FRS2: variants seen among roughly 807,000 people sequenced by gnomAD.
FRS2 encodes the protein FGFR signalling adaptor.
In FRS2, 8 loss-of-function variants were observed where a neutral mutation model predicts 43.9. The observed-to-expected ratio is 0.18, with a 90% CI of 0.11 to 0.33. The LOEUF (loss-of-function observed/expected upper bound fraction) is 0.33, where lower values mean the gene tolerates loss of function less well. Among genes scored for constraint, FRS2 ranks in the 10% least tolerant of loss-of-function variants. FRS2 has a pLI of 1.00. For synonymous variants in FRS2, 219 were observed against 220.3 expected (o/e 0.99, Z 0.05); for missense variants, 534 against 627.6 (o/e 0.85, Z 1.59).
At chr12:69,503,875 C>G (rs1415490150) in intron 1 of FRS2, among the ~76,000 whole-genome samples, 2 of 151,890 alleles carry the variant, frequency 1.3e-5, no homozygotes, top group Non-Finnish European at 2.9e-5. Flanking sequence ...TTTTTAAATC[C>G]CAAATGAAAA....
intron 1 of FRS2, among the ~76,000 whole-genome samples, chr12:69,514,927 G>A (rs966207980): frequency 2.6e-5 from 4 of 152,086 alleles, no homozygotes; most frequent in African/African-American, 9.7e-5. Flanking sequence ...AGTTCAAGCA[G>A]ACAAAAAGAA....
At chr12:69,494,012 T>C (rs569781508) in intron 1 of FRS2, among the ~76,000 whole-genome samples, 4 of 152,354 alleles carry the variant, frequency 2.6e-5, no homozygotes, top group Non-Finnish European at 4.4e-5. Flanking sequence ...GTTAAATCTA[T>C]CTGTATGTTT....
chr12:69,545,986 C>T (rs1195852247), intron 3 of FRS2, among the ~76,000 whole-genome samples: 1 of 152,034 alleles, frequency 6.6e-6, no homozygotes, highest in Non-Finnish European at 1.5e-5. Context: ...GTATACAACT[C>T]TTGTAAGGAA....
At chr12:69,531,309 A>G (rs1335096930) in intron 2 of FRS2, among the ~76,000 whole-genome samples, 4 of 151,504 alleles carry the variant, frequency 2.6e-5, no homozygotes, top group Non-Finnish European at 5.9e-5. Flanking sequence ...CAGCCTGGGC[A>G]ACAGAGTGAG....
chr12:69,473,627 A>T (rs1039786607), intron 1 of FRS2, among the ~76,000 whole-genome samples: 3 of 152,196 alleles, frequency 2.0e-5, no homozygotes, highest in Non-Finnish European at 4.4e-5. Flanking sequence ...GGGGAAAAAA[A>T]GTTCGACGTT....
intron 3 of FRS2, among the ~76,000 whole-genome samples, chr12:69,557,596 GT>G (rs1879471825): frequency 3.8e-5 from 1 of 26,244 alleles, no homozygotes; most frequent in Non-Finnish European, 9.7e-5. Context: ...AAGGTTGATT[GT>G]GTGTGTGTGT....
In FRS2 at chr12:69,569,509, T is replaced by C. The variant is rs527795478; in HGVS notation, c.66+413T>C. Among the ~76,000 whole-genome samples, 7 of 152,338 alleles carry C rather than the reference T, an allele frequency of 4.6e-5. No homozygotes were observed. The East Asian group carries it at 9.6e-4, about 21-fold the overall frequency. On this transcript the variant is annotated intron_variant, in intron 5 of 8. Transcript: ENST00000549921. ...CTTCTCTCATCATTCACTAACCTCT[T>C]TGCTAAAATTGTGTGGTGTTATTTT...
Position 69,470,412 on chromosome 12 carries a change from T to C in FRS2, c.-379T>C, listed in dbSNP as rs1314798467. 7.5e-6 allele frequency: 3 copies of C among 398,450 alleles called. No homozygotes were observed. The highest frequency in any genetic ancestry group is 1.3e-5 in the Non-Finnish European group (3 of 226,120). 24.7% of individuals were successfully genotyped at this position (398,450 alleles called of 1,614,324 possible). A position where few individuals can be genotyped will look rare whatever the true frequency, so the allele number is the denominator to read the frequency against. ...CCAAGATTCGGGCCGGAGAGAGGCC[T>C]TGTAGGCACAGCGGCTGAGACTCGA... On this transcript the variant is annotated 5_prime_UTR_variant, in exon 1 of 9. Coordinates refer to ENST00000549921, the MANE Select transcript of FRS2 (RefSeq NM_001278356.2).
chr12:69,556,014 G>GC (rs990928727), intron 3 of FRS2, among the ~76,000 whole-genome samples: 2 of 151,260 alleles, frequency 1.3e-5, no homozygotes, highest in Non-Finnish European at 3.0e-5. Context: ...GTGGCGGGGG[G>GC]GGGGGCGGTG....
chr12:69,529,051 A>G (rs181147503), intron 1 of FRS2, among the ~76,000 whole-genome samples: 9 of 152,232 alleles, frequency 5.9e-5, no homozygotes, highest in Admixed American at 5.2e-4. Flanking sequence ...GGCCTTTGTA[A>G]GGAGTCTGGC....
At chr12:69,537,076 T>C (rs1378644796) in intron 3 of FRS2, among the ~76,000 whole-genome samples, 1 of 152,182 alleles carries the variant, frequency 6.6e-6, no homozygotes, top group East Asian at 1.9e-4. Flanking sequence ...AACATGCTTT[T>C]CTTAGGAAAG....
chr12:69,571,864 AAAAACAAAAC>A (rs777423506), intron 7 of FRS2, among the ~76,000 whole-genome samples: 1 of 152,120 alleles, frequency 6.6e-6, no homozygotes, highest in Non-Finnish European at 1.5e-5. Flanking sequence ...ACTCCGTCTC[AAAAACAAAAC>A]AAAACAAAAC....
At chr12:69,496,163 G>A (rs780130679) in intron 1 of FRS2, among the ~76,000 whole-genome samples, 1 of 152,032 alleles carries the variant, frequency 6.6e-6, no homozygotes, top group Non-Finnish European at 1.5e-5. Context: ...CTGGCCAGGC[G>A]TGGGGGCTCA....
At chr12:69,480,319 A>G (rs1254140785) in intron 1 of FRS2, 1 of 152,100 alleles carries the variant, frequency 6.6e-6, no homozygotes, top group African/African-American at 2.4e-5. Context: ...CCACTATTTG[A>G]GTTTCTGCCT....
chr12:69,477,935 G>T (rs1449483436), intron 1 of FRS2, among the ~76,000 whole-genome samples: 1 of 151,050 alleles, frequency 6.6e-6, no homozygotes, highest in African/African-American at 2.4e-5. Context: ...TAGAGACGGG[G>T]TTTCACCATG....
intron 1 of FRS2, among the ~76,000 whole-genome samples, chr12:69,521,374 C>T (rs1715804910): frequency 6.6e-6 from 1 of 152,122 alleles, no homozygotes; most frequent in Non-Finnish European, 1.5e-5. Context: ...TCCTCGCCTC[C>T]TATTTGAATG....
At position 69,569,062 on chromosome 12, in the gene FRS2, A is replaced by G. The variant is rs2135802770; in HGVS notation, c.32A>G (p.Asp11Gly). The change falls in exon 5 of 9, where the codon GAC (aspartate) becomes GGC (glycine). Residue 11 changes from aspartate (D) to glycine (G), a missense_variant. Physicochemically the swap from Asp to Gly is moderately conservative, Grantham distance 94. This residue lies in a region of FRS2 where 76 missense variants were observed against 90.5 expected (regional missense o/e 0.84). Transcript: ENST00000549921. The part of the protein sequence containing the change: MGSCCSCPDK[D>G]TVPDNHRNKF... Reference sequence around the variant, plus strand: ...AGCTGTTGTAGCTGTCCAGATAAAGACACTGTCCCAGATAACCATCGGAAC... The same window carrying G: ...AGCTGTTGTAGCTGTCCAGATAAAGGCACTGTCCCAGATAACCATCGGAAC... 6.2e-7 allele frequency: 1 copy of G among 1,612,424 alleles called. No individual in the cohort carries two copies. The highest frequency in any genetic ancestry group is 8.5e-7 in the Non-Finnish European group (1 of 1,178,776).
chr12:69,570,619 C>G (rs1880671850), intron 6 of FRS2, 102 bp downstream of exon 6: 2 of 682,400 alleles, frequency 2.9e-6, no homozygotes, highest in Non-Finnish European at 5.0e-6. Context: ...GAAAAAAATC[C>G]CAAAATAAAC....
intron 1 of FRS2, among the ~76,000 whole-genome samples, chr12:69,513,151 GT>G (rs5798937): frequency 0.022 from 3,181 of 147,036 alleles, 114 homozygotes; most frequent in African/African-American, 0.074. Flanking sequence ...TTTGGAGTTT[GT>G]TTTTTTTTTT....
Sources: allele counts gnomAD v4.1 joint callset (sites outside exome capture counted in the v4.1 genomes callset), GRCh38; gene constraint gnomAD v4.1.1; regional missense constraint gnomAD v4.1.1; transcripts MANE v1.5; gene names NCBI Gene and HGNC (gene_info 2026-07-23, HGNC 2026-07-21).